Variants in ARHGAP26 observed in about 807,000 individuals in gnomAD.
ARHGAP26 encodes the protein Rho GTPase activating protein 26.
A neutral mutation model predicts 104.8 loss-of-function variants in ARHGAP26; 38 were observed. The ratio of observed to expected loss-of-function variants is 0.36; its 90% CI spans 0.28 to 0.48. The LOEUF (loss-of-function observed/expected upper bound fraction) is 0.48. ARHGAP26 is among the 20% of genes least tolerant of loss of function. The probability of loss-of-function intolerance (pLI) is 0.99; values close to 1 mark genes in which losing one functional copy is unlikely to be tolerated. For missense variants in ARHGAP26, 704 were observed against 947.9 expected (o/e 0.74, Z 3.38); for synonymous variants, 341 against 340.0 (o/e 1.00, Z -0.03).
At chr5:143,128,220 C>T (rs1279455436) in intron 18 of ARHGAP26, among the ~76,000 whole-genome samples, 3 of 152,094 alleles carry the variant, frequency 2.0e-5, no homozygotes, top group African/African-American at 7.2e-5. Context: ...CCCAGATAAA[C>T]CAATAATTGT....
At chr5:142,959,267 TCAC>T (rs1295932772) in intron 11 of ARHGAP26, among the ~76,000 whole-genome samples, 8 of 152,224 alleles carry the variant, frequency 5.3e-5, no homozygotes, top group African/African-American at 1.4e-4. Flanking sequence ...GACACTCACT[TCAC>T]CAAGTATATT....
chr5:142,952,890 T>C (rs1045456749), intron 11 of ARHGAP26, among the ~76,000 whole-genome samples: 18 of 152,022 alleles, frequency 1.2e-4, no homozygotes, highest in African/African-American at 3.9e-4. Flanking sequence ...TTTGTATTTT[T>C]AGTAGAGATG....
At position 143,182,319 on chromosome 5, in the gene ARHGAP26, C is replaced by T. The variant is rs529321160; in HGVS notation, c.1989-24879C>T. On this transcript the variant is annotated intron_variant, in intron 20 of 22. Coordinates refer to ENST00000645722, the MANE Select transcript of ARHGAP26 (RefSeq NM_001135608.3). ...GCAAAACTCATCCACAGTTCATCAT[C>T]TGCTGAAGAGTGGCTTGCAGATGAT... Among the ~76,000 whole-genome samples, 12 of 152,332 alleles carry T rather than the reference C, an allele frequency of 7.9e-5. No homozygotes were observed. The South Asian group carries it at 1.2e-3, about 16-fold the overall frequency.
At chr5:143,151,707 G>A (rs551088374) in intron 20 of ARHGAP26, among the ~76,000 whole-genome samples, 67 of 152,302 alleles carry the variant, frequency 4.4e-4, no homozygotes, top group African/African-American at 1.5e-3. Context: ...TGTAATCCCA[G>A]CACTTTGGGA....
chr5:142,920,800 C>T (rs568317552), intron 10 of ARHGAP26, among the ~76,000 whole-genome samples: 2 of 152,284 alleles, frequency 1.3e-5, no homozygotes, highest in Non-Finnish European at 2.9e-5. Context: ...ACTCAAGCAA[C>T]TAAGGTATAA....
chr5:143,125,379 A>C (rs1454191713), intron 18 of ARHGAP26, among the ~76,000 whole-genome samples: 1 of 152,168 alleles, frequency 6.6e-6, no homozygotes, highest in African/African-American at 2.4e-5. Flanking sequence ...CTCTCCCCCC[A>C]ACCCAGAGAA....
intron 1 of ARHGAP26, among the ~76,000 whole-genome samples, chr5:142,807,072 G>A (rs1039019846): frequency 2.0e-5 from 3 of 152,176 alleles, no homozygotes; most frequent in Non-Finnish European, 2.9e-5. Context: ...AGTACACATA[G>A]CCACATTCTC....
chr5:142,924,521 CAAGTA>C (rs1763631936), intron 10 of ARHGAP26, among the ~76,000 whole-genome samples: 1 of 152,186 alleles, frequency 6.6e-6, no homozygotes, highest in African/African-American at 2.4e-5. Context: ...AATGATAATA[CAAGTA>C]AAGTCCTTAG....
intron 19 of ARHGAP26, among the ~76,000 whole-genome samples, chr5:143,144,192 A>G (rs569375707): frequency 5.9e-5 from 9 of 152,190 alleles, no homozygotes; most frequent in South Asian, 2.1e-4. Flanking sequence ...TATACCTTCT[A>G]TGAGGATACC....
intron 11 of ARHGAP26, among the ~76,000 whole-genome samples, chr5:143,012,805 C>T (rs1779080801): frequency 2.7e-5 from 4 of 150,892 alleles, no homozygotes; most frequent in African/African-American, 7.3e-5. Context: ...AGGCGCCCGC[C>T]ACCATGCCTG....
intron 20 of ARHGAP26, chr5:143,203,247 A>G (rs969414911): frequency 4.6e-5 from 7 of 152,348 alleles, no homozygotes; most frequent in African/African-American, 1.4e-4. Context: ...AACCCCATCA[A>G]AAAGTGGGTG....
intron 12 of ARHGAP26, among the ~76,000 whole-genome samples, chr5:143,031,557 A>T (rs1013100111): frequency 1.3e-5 from 2 of 149,948 alleles, no homozygotes; most frequent in African/African-American, 4.9e-5. Flanking sequence ...TAATTTTCCG[A>T]CCACCTACAC....
intron 1 of ARHGAP26, among the ~76,000 whole-genome samples, 177 bp from the exon 2 acceptor site, chr5:142,873,223 G>A (rs1755583854): frequency 6.6e-6 from 1 of 152,180 alleles, no homozygotes; most frequent in African/African-American, 2.4e-5. Flanking sequence ...ACAAATCAGT[G>A]CTTCATATTG....
chr5:142,967,939 T>C (rs1393206414), intron 11 of ARHGAP26, among the ~76,000 whole-genome samples: 1 of 152,188 alleles, frequency 6.6e-6, no homozygotes, highest in Non-Finnish European at 1.5e-5. Context: ...TTGCTACTAT[T>C]AAAGGCATTG....
chr5:142,802,577 C>T (rs991659756), intron 1 of ARHGAP26, among the ~76,000 whole-genome samples: 2 of 152,082 alleles, frequency 1.3e-5, no homozygotes, highest in East Asian at 1.9e-4. Context: ...AAGAACCTAT[C>T]GACGATGTTA....
In ARHGAP26 at chr5:142,890,154, ATATATATATATATATATAT is replaced by A. The variant is rs1758417830; in HGVS notation, c.487-4083_487-4065del. On this transcript the variant is annotated intron_variant, in intron 5 of 22. Coordinates refer to ENST00000645722, the MANE Select transcript of ARHGAP26 (RefSeq NM_001135608.3). ...TCCGTCTTAAAAAAAAAAAAAAAAT[ATATATATATATATATATAT>A]ATATATATATATATATATATATATG... Among the ~76,000 whole-genome samples, 37 of 46,218 alleles carry A rather than the reference ATATATATATATATATATAT, an allele frequency of 8.0e-4. 4 individuals carry two copies. The highest frequency in any genetic ancestry group is 0.01 in the Middle Eastern group (1 of 100). The allele number at this position is 46,218 out of a possible 152,430, so 30.3% of individuals were successfully genotyped here. A position where few individuals can be genotyped will look rare whatever the true frequency, so the allele number is the denominator to read the frequency against.
chr5:142,794,347 G>T (rs10042662), intron 1 of ARHGAP26, among the ~76,000 whole-genome samples: 8,046 of 152,182 alleles, frequency 0.053, 728 homozygotes, highest in African/African-American at 0.18. Flanking sequence ...ATTTCCCAGA[G>T]GAATACTGGG....
chr5:143,018,491 C>T (rs1779886742), intron 12 of ARHGAP26, among the ~76,000 whole-genome samples: 1 of 152,300 alleles, frequency 6.6e-6, no homozygotes, highest in South Asian at 2.1e-4. Flanking sequence ...ATTTAAGTTT[C>T]TAATCTAGCT....
At chr5:143,164,063 C>G (rs1430110015) in intron 20 of ARHGAP26, among the ~76,000 whole-genome samples, 1 of 149,536 alleles carries the variant, frequency 6.7e-6, no homozygotes, top group South Asian at 2.1e-4. Context: ...TTTTTTTCTC[C>G]CAAACATCTA....
Sources: allele counts gnomAD v4.1 joint callset (sites outside exome capture counted in the v4.1 genomes callset), GRCh38; gene constraint gnomAD v4.1.1; transcripts MANE v1.5; gene names NCBI Gene and HGNC (gene_info 2026-07-23, HGNC 2026-07-21).